MICU1: variants seen among roughly 807,000 people sequenced by gnomAD.
MICU1 encodes the protein mitochondrial calcium uptake 1.
MICU1 carries 45 observed loss-of-function variants against 56.8 expected under a neutral mutation model. The observed-to-expected ratio is 0.79, with a 90% CI of 0.62 to 1.02. MICU1 has a LOEUF of 1.02. Ranked by LOEUF, MICU1 falls within the 50% of genes least tolerant of loss-of-function variation. MICU1 has a pLI of 0.00. For synonymous variants in MICU1, 186 were observed against 195.1 expected (o/e 0.95, Z 0.39); for missense variants, 504 against 587.1 (o/e 0.86, Z 1.46).
intron 1 of MICU1, among the ~76,000 whole-genome samples, chr10:72,591,362 A>G (rs1263380979): frequency 6.6e-6 from 1 of 152,144 alleles, no homozygotes; most frequent in Non-Finnish European, 1.5e-5. Flanking sequence ...TAGCATAAGG[A>G]AGATAATAAT....
At chr10:72,453,866 GT>G (rs1436462581) in intron 8 of MICU1, among the ~76,000 whole-genome samples, 2 of 150,066 alleles carry the variant, frequency 1.3e-5, no homozygotes, top group African/African-American at 4.9e-5. Context: ...ATGGAGTTTC[GT>G]TCTTGTCACC....
rs752735512 is a variant in MICU1, at chr10:72,566,715, T to C, written c.79A>G (p.Ile27Val). Residue 27 changes from isoleucine to valine, a missense_variant, in exon 2 of 12, where the codon ATC (isoleucine) becomes GTC (valine). Transcript: ENST00000361114. ...SRWYHGGSQPIQIRRRLMMVA... is the reference protein window; with the variant it reads ...SRWYHGGSQPVQIRRRLMMVA... ...ATCATTAGTCTTCGCCGGATCTGGA[T>C]GGGCTGTGATCCTCCATGGTACCAT... 2.5e-6 allele frequency: 4 copies of C among 1,612,702 alleles called. No homozygotes were observed. In the African/African-American group the frequency reaches 4.0e-5, roughly 16 times the overall value.
At chr10:72,599,602 A>C (rs1189655815) in intron 1 of MICU1, among the ~76,000 whole-genome samples, 1 of 152,208 alleles carries the variant, frequency 6.6e-6, no homozygotes, top group East Asian at 1.9e-4. Context: ...GCCCAAGAGT[A>C]GTGATGCTAG....
At chr10:72,436,595 C>T (rs996833841) in intron 8 of MICU1, among the ~76,000 whole-genome samples, 1 of 152,158 alleles carries the variant, frequency 6.6e-6, no homozygotes, top group African/African-American at 2.4e-5. Context: ...TTCAGAAGGT[C>T]GGTAATAACA....
intron 8 of MICU1, among the ~76,000 whole-genome samples, chr10:72,428,776 C>A (rs2132151168): frequency 6.6e-6 from 1 of 152,154 alleles, no homozygotes; most frequent in South Asian, 2.1e-4. Flanking sequence ...GAATTTATTA[C>A]AAGATAATAA....
chr10:72,406,136 AT>A (rs1424916003), intron 10 of MICU1, among the ~76,000 whole-genome samples: 1 of 152,112 alleles, frequency 6.6e-6, no homozygotes, highest in Non-Finnish European at 1.5e-5. Flanking sequence ...ATTTAGCAAA[AT>A]TACAGAATAT....
chr10:72,437,990 G>A (rs1340118709), intron 8 of MICU1, among the ~76,000 whole-genome samples: 2 of 151,920 alleles, frequency 1.3e-5, no homozygotes, highest in East Asian at 1.9e-4. Flanking sequence ...ACAGATCAAC[G>A]AGACAGAAAG....
At chr10:72,512,015 T>C (rs1308988943) in intron 5 of MICU1, among the ~76,000 whole-genome samples, 2 of 151,680 alleles carry the variant, frequency 1.3e-5, no homozygotes, top group East Asian at 1.9e-4. Context: ...TTCCTTAATC[T>C]AGTCAAGTTG....
At chr10:72,512,719 A>T (rs898637196) in intron 5 of MICU1, among the ~76,000 whole-genome samples, 1 of 63,750 alleles carries the variant, frequency 1.6e-5, no homozygotes, top group Non-Finnish European at 4.8e-5. Flanking sequence ...TTTTGTTTTG[A>T]GACAGTGTCT....
At chr10:72,408,300 T>C (rs1413915445) in intron 9 of MICU1, among the ~76,000 whole-genome samples, 1 of 152,148 alleles carries the variant, frequency 6.6e-6, no homozygotes, top group African/African-American at 2.4e-5. Flanking sequence ...CTGAATATCT[T>C]AATGAAAATA....
At chr10:72,390,622 G>A (rs1863036773) in intron 10 of MICU1, among the ~76,000 whole-genome samples, 1 of 152,194 alleles carries the variant, frequency 6.6e-6, no homozygotes. Flanking sequence ...AGCCAAGGAA[G>A]AGACAGTGCC....
At chr10:72,479,135 A>G (rs1292734735) in intron 6 of MICU1, among the ~76,000 whole-genome samples, 3 of 152,158 alleles carry the variant, frequency 2.0e-5, no homozygotes, top group Non-Finnish European at 4.4e-5. Flanking sequence ...TATTGTTTAA[A>G]CAGAGGAGGA....
At chr10:72,491,282 A>T (rs1367209809) in intron 6 of MICU1, among the ~76,000 whole-genome samples, 2 of 152,218 alleles carry the variant, frequency 1.3e-5, no homozygotes, top group African/African-American at 2.4e-5. Context: ...AAATACAGTT[A>T]AATATTAATA....
intron 2 of MICU1, among the ~76,000 whole-genome samples, chr10:72,565,168 T>G (rs905673386): frequency 1.3e-5 from 2 of 151,182 alleles, no homozygotes; most frequent in East Asian, 3.9e-4. Flanking sequence ...TACATCATGC[T>G]GCTATAAAGA....
chr10:72,376,969 GC>G (rs1365858715), intron 10 of MICU1, among the ~76,000 whole-genome samples: 3 of 151,980 alleles, frequency 2.0e-5, no homozygotes, highest in Non-Finnish European at 2.9e-5. Context: ...AAGGCTTCAC[GC>G]CTTGGTGGGT....
Position 72,371,824 on chromosome 10 carries a change from G to A in MICU1, c.1271-3469C>T, listed in dbSNP as rs190567350. Among the ~76,000 whole-genome samples the A allele has an allele frequency of 1.0e-3, 158 of 152,190 alleles. 1 individual carries two copies. Among genetic ancestry groups the A allele is most frequent in the Middle Eastern group, 0.01 (3 of 294 alleles). On this transcript the variant is annotated intron_variant, in intron 11 of 11. Transcript: ENST00000361114. The stretch of plus-strand genomic sequence containing the variant: ...TAATCTCAGCACTTTGGGAGGTTGA[G>A]GTGGGAGTATCATTTGAGCCCAGGA...
At chr10:72,607,858 G>C (rs1357936690) in intron 1 of MICU1, among the ~76,000 whole-genome samples, 1 of 151,820 alleles carries the variant, frequency 6.6e-6, no homozygotes, top group Non-Finnish European at 1.5e-5. Context: ...CCTGTGGGGG[G>C]GGTCTACACT....
At chr10:72,379,468 A>T (rs1053860378) in intron 10 of MICU1, 2 of 328,300 alleles carry the variant, frequency 6.1e-6, no homozygotes, top group African/African-American at 4.4e-5. Context: ...ATCAACCTTA[A>T]GCTTCTGACT....
At chr10:72,369,376 C>T (rs1386096473) in intron 11 of MICU1, among the ~76,000 whole-genome samples, 1 of 151,026 alleles carries the variant, frequency 6.6e-6, no homozygotes, top group Non-Finnish European at 1.5e-5. Context: ...AAAGGTCTGG[C>T]ACTTTCTCTT....
Sources: allele counts gnomAD v4.1 joint callset (sites outside exome capture counted in the v4.1 genomes callset), GRCh38; gene constraint gnomAD v4.1.1; transcripts MANE v1.5; gene names NCBI Gene and HGNC (gene_info 2026-07-23, HGNC 2026-07-21).